The following RBMS3 variants were observed in gnomAD, a reference collection of about 807,000 sequenced individuals.
The protein encoded by RBMS3 is RNA-binding motif, single-stranded-interacting protein 3.
In RBMS3, 27 loss-of-function variants were observed where a neutral mutation model predicts 66.8. That is an observed-to-expected ratio of 0.40 (90% CI 0.30 to 0.56). The LOEUF is 0.56. RBMS3 is among the 20% of genes least tolerant of loss of function. The pLI is 0.40. For missense variants in RBMS3, 513 were observed against 549.5 expected (o/e 0.93, Z 0.66); for synonymous variants, 188 against 183.0 (o/e 1.03, Z -0.22).
At chr3:29,585,618 C>G (rs1302571441) in intron 3 of RBMS3, among the ~76,000 whole-genome samples, 1 of 152,070 alleles carries the variant, frequency 6.6e-6, no homozygotes, top group Non-Finnish European at 1.5e-5. Context: ...GCACAGCAAC[C>G]GACATGTGAG....
At position 29,317,291 on chromosome 3, in the gene RBMS3, G is replaced by T. The variant is rs1300860991; in HGVS notation, c.75+35535G>T. Among the ~76,000 whole-genome samples, 3 of 151,846 alleles carry T rather than the reference G, an allele frequency of 2.0e-5. No homozygotes were observed. In the East Asian group the frequency reaches 5.8e-4, roughly 30 times the overall value. On this transcript the variant is annotated intron_variant, in intron 1 of 14. Transcript: ENST00000383767. ...CAGAAAACCAACATAACTGGTGAAA[G>T]AATTTTTTTATCCTTATATTTTTTC... is the stretch of plus-strand genomic sequence containing the variant.
intron 3 of RBMS3, among the ~76,000 whole-genome samples, chr3:29,542,408 T>G (rs2045798394): frequency 6.6e-6 from 1 of 152,178 alleles, no homozygotes; most frequent in South Asian, 2.1e-4. Context: ...TCGCCTAGGC[T>G]GGAGTACAAT....
Position 29,555,655 on chromosome 3 carries a change from T to C in RBMS3, c.308-31459T>C, listed in dbSNP as rs3773078. Among the ~76,000 whole-genome samples, 529 of 152,242 alleles carry C rather than the reference T, an allele frequency of 3.5e-3. 2 individuals carry two copies. Among genetic ancestry groups the C allele is most frequent in the East Asian group, 8.9e-3 (46 of 5,176 alleles). The stretch of plus-strand genomic sequence containing the variant: ...CAGAATGTTTATCCAGTAGCAAAAA[T>C]CTCAGGAATTTATTGAGATTCTGTT... On this transcript the variant is annotated intron_variant, in intron 3 of 14. Coordinates refer to ENST00000383767, the MANE Select transcript of RBMS3 (RefSeq NM_001003793.3).
At position 29,704,791 on chromosome 3, in the gene RBMS3, A is replaced by AT. The variant is rs1255217938; in HGVS notation, c.400-34922dup. ...TGTTAGATAGAAGGGAAGAATGCAG[A>AT]TTTTTTTGACAGGAAAAAATGTTAT... On this transcript the variant is annotated intron_variant, in intron 4 of 14. Coordinates refer to ENST00000383767, the MANE Select transcript of RBMS3 (RefSeq NM_001003793.3). Among the ~76,000 whole-genome samples the AT allele has an allele frequency of 1.1e-4, 16 of 152,216 alleles. 1 individual carries two copies. The highest frequency in any genetic ancestry group is 8.5e-4 in the Admixed American group (13 of 15,280).
intron 4 of RBMS3, among the ~76,000 whole-genome samples, chr3:29,682,020 AT>A (rs2051518815): frequency 6.6e-6 from 1 of 152,172 alleles, no homozygotes; most frequent in African/African-American, 2.4e-5. Flanking sequence ...AGCATCTGTC[AT>A]TTTTTGACTT....
chr3:29,294,576 G>T (rs1575484432), intron 1 of RBMS3, among the ~76,000 whole-genome samples: 1 of 151,832 alleles, frequency 6.6e-6, no homozygotes, highest in Admixed American at 6.6e-5. Flanking sequence ...GGGGATGAAA[G>T]TAAGCAAATA....
intron 5 of RBMS3, among the ~76,000 whole-genome samples, chr3:29,742,923 G>A (rs2054706804): frequency 6.6e-6 from 1 of 152,124 alleles, no homozygotes. Flanking sequence ...GACTGAAAAG[G>A]CAAACATAGG....
chr3:29,477,153 A>G lies in RBMS3; in HGVS notation c.249-11288A>G, dbSNP rs148833990. On this transcript the variant is annotated intron_variant, in intron 2 of 14. Coordinates refer to ENST00000383767, the MANE Select transcript of RBMS3 (RefSeq NM_001003793.3). Reference sequence around the variant, plus strand: ...AAATTTCATAAAGTATTTTACAGTCAGTATTTTTAAACTCTGTTTTCGTTT... The same window carrying G: ...AAATTTCATAAAGTATTTTACAGTCGGTATTTTTAAACTCTGTTTTCGTTT... 3.8e-3 allele frequency among the ~76,000 whole-genome samples: 576 copies of G among 151,246 alleles called. 3 individuals carry two copies. Among genetic ancestry groups the G allele is most frequent in the African/African-American group, 0.013 (548 of 41,286 alleles).
At chr3:29,761,192 C>T (rs2055670931) in intron 5 of RBMS3, among the ~76,000 whole-genome samples, 1 of 152,098 alleles carries the variant, frequency 6.6e-6, no homozygotes, top group South Asian at 2.1e-4. Flanking sequence ...GGCCTCATTC[C>T]TGTAAATTTA....
intron 1 of RBMS3, among the ~76,000 whole-genome samples, chr3:29,361,185 C>T (rs1002739177): frequency 5.3e-5 from 8 of 152,022 alleles, no homozygotes; most frequent in South Asian, 2.1e-4. Context: ...GTGGCTGGTG[C>T]GCTTTGTTCC....
chr3:29,604,672 C>T (rs907868881), intron 4 of RBMS3, among the ~76,000 whole-genome samples: 1 of 151,934 alleles, frequency 6.6e-6, no homozygotes, highest in Admixed American at 6.6e-5. Context: ...ACTAAAAATT[C>T]CTTCAATTAG....
chr3:29,974,687 C>T (rs1697440772), intron 12 of RBMS3, among the ~76,000 whole-genome samples: 2 of 150,978 alleles, frequency 1.3e-5, no homozygotes, highest in Non-Finnish European at 3.0e-5. Context: ...TGGAATAATA[C>T]AGTGTAAAAC....
intron 4 of RBMS3, among the ~76,000 whole-genome samples, chr3:29,674,574 G>A (rs6778522): frequency 0.11 from 17,269 of 151,820 alleles, 2,135 homozygotes; most frequent in African/African-American, 0.3. Flanking sequence ...TACAAAATCA[G>A]TGTGCAAAAA....
intron 12 of RBMS3, among the ~76,000 whole-genome samples, chr3:29,946,320 T>C (rs1695303252): frequency 6.6e-6 from 1 of 151,684 alleles, no homozygotes; most frequent in African/African-American, 2.4e-5. Context: ...ATGTCAATAT[T>C]GGACAAAACA....
intron 12 of RBMS3, among the ~76,000 whole-genome samples, chr3:29,959,692 CG>C (rs1386243230): frequency 3.3e-5 from 5 of 152,018 alleles, no homozygotes; most frequent in Non-Finnish European, 7.4e-5. Flanking sequence ...CTGCAGGGCT[CG>C]GGAGGCCTCA....
chr3:29,503,550 A>G (rs1170954569), intron 3 of RBMS3, among the ~76,000 whole-genome samples: 2 of 151,906 alleles, frequency 1.3e-5, no homozygotes, highest in South Asian at 2.1e-4. Context: ...CTGGCCTGAC[A>G]TTCTACTTCC....
chr3:29,694,265 C>T (rs1188332463), intron 4 of RBMS3, among the ~76,000 whole-genome samples: 1 of 152,136 alleles, frequency 6.6e-6, no homozygotes, highest in Non-Finnish European at 1.5e-5. Flanking sequence ...TTGTCACATA[C>T]ATTTTCACCC....
chr3:29,862,788 G>C (rs2059248790), intron 6 of RBMS3, among the ~76,000 whole-genome samples: 3 of 150,844 alleles, frequency 2.0e-5, no homozygotes, highest in African/African-American at 7.3e-5. Context: ...AGGCTGAAGT[G>C]AGCTGAGATC....
chr3:29,534,211 C>A (rs1038435778), intron 3 of RBMS3, among the ~76,000 whole-genome samples: 1 of 152,194 alleles, frequency 6.6e-6, no homozygotes, highest in Non-Finnish European at 1.5e-5. Context: ...ACAAAGGTCA[C>A]GTTGCAGCAA....
Sources: gnomAD v4.1 joint callset for allele counts (sites outside exome capture counted in the v4.1 genomes callset) on GRCh38, gnomAD v4.1.1 for gene constraint, MANE v1.5 for transcripts, NCBI Gene and HGNC (gene_info 2026-07-23, HGNC 2026-07-21) for gene names.